NPIPB11: variants seen among roughly 807,000 people sequenced by gnomAD.
The protein encoded by NPIPB11 is nuclear pore complex interacting protein family member B11, also known as nuclear pore complex-interacting protein family member B11.
Under a neutral mutation model 32.8 loss-of-function variants are expected in NPIPB11, and 17 were observed. That is an observed-to-expected ratio of 0.52 (90% CI 0.35 to 0.78). The LOEUF is 0.78. Among genes scored for constraint, NPIPB11 ranks in the 30% least tolerant of loss-of-function variants. The probability of loss-of-function intolerance (pLI) is 0.01; values close to 1 mark genes in which losing one functional copy is unlikely to be tolerated. For synonymous variants in NPIPB11, 209 were observed against 398.4 expected (o/e 0.52, Z 5.66); for missense variants, 537 against 1,000.4 (o/e 0.54, Z 6.25).
At chr16:29,389,194 CAAAAAAA>C (rs1166217249) in intron 5 of NPIPB11, among the ~76,000 whole-genome samples, 1 of 50,336 alleles carries the variant, frequency 2.0e-5, no homozygotes, top group Admixed American at 2.2e-4. Context: ...GACTCTGTCT[CAAAAAAA>C]AAAAAAAAAA....
chr16:29,382,380 G>T lies in NPIPB11; in HGVS notation c.2552C>A (p.Ser851Ter), dbSNP rs17853581. The T allele has an allele frequency of 2.0e-6, 1 of 493,434 alleles. No individual in the cohort carries two copies. Among genetic ancestry groups the T allele is most frequent in the Non-Finnish European group, 3.4e-6 (1 of 290,416 alleles). 30.6% of individuals were successfully genotyped at this position (493,434 alleles called of 1,614,324 possible). Residue 851 changes from serine to a stop codon, truncating the protein, a stop_gained, in exon 8 of 8, where the codon TCA becomes TAA. Coordinates refer to ENST00000524087, the Ensembl canonical transcript of NPIPB11. LOFTEE classifies it high-confidence loss of function. ...TGAGCTGACGCTCGGAAGGTGTCTT[G>T]AGATTATCATCGGCTGAGGGTGGAA...
chr16:29,394,068 A>G (rs1963789706), exon 3 of NPIPB11: 2 of 1,597,420 alleles, frequency 1.3e-6, no homozygotes, highest in South Asian at 2.2e-5. Context: ...CAGCCAGAGT[A>G]TTGATAACCT....
At chr16:29,382,106 A>T in exon 8 of NPIPB11, 1 of 340,646 alleles carries the variant, frequency 2.9e-6, no homozygotes, top group Non-Finnish European at 4.6e-6. Flanking sequence ...GACGTTTGGA[A>T]GGTGTCTTGA....
intron 2 of NPIPB11, among the ~76,000 whole-genome samples, chr16:29,397,352 A>T (rs1026126914): frequency 5.9e-5 from 9 of 151,490 alleles, no homozygotes; most frequent in Admixed American, 5.9e-4. Context: ...GATAACAGGT[A>T]CGCACCACCA....
At chr16:29,382,982 G>A (rs1963524562) in exon 8 of NPIPB11, 36 of 1,596,670 alleles carry the variant, frequency 2.3e-5, no homozygotes, top group Non-Finnish European at 3.1e-5. Context: ...GGTGGAAGGG[G>A]AGTGAGCTGA....
chr16:29,398,833 G>T (rs1596682192), intron 2 of NPIPB11, among the ~76,000 whole-genome samples: 1 of 152,030 alleles, frequency 6.6e-6, no homozygotes, highest in Non-Finnish European at 1.5e-5. Flanking sequence ...GCACAAGGTT[G>T]TGTGATCTCA....
intron 2 of NPIPB11, among the ~76,000 whole-genome samples, chr16:29,396,030 T>A (rs1268941033): frequency 6.8e-6 from 1 of 147,878 alleles, no homozygotes; most frequent in Non-Finnish European, 1.5e-5. Flanking sequence ...GCATGAATAG[T>A]GTGGGATTTC....
chr16:29,404,688 C>T (rs1479601259), upstream of NPIPB11, among the ~76,000 whole-genome samples: 5 of 151,796 alleles, frequency 3.3e-5, no homozygotes, highest in South Asian at 2.1e-4. Context: ...CTTCTCAGTG[C>T]TCACCTAAGG....
At chr16:29,382,192 G>C (rs878907790) in exon 8 of NPIPB11, 1 of 628,052 alleles carries the variant, frequency 1.6e-6, no homozygotes, top group Non-Finnish European at 2.7e-6. Context: ...TCTGCTGAGG[G>C]TGGAGCTGAG....
In NPIPB11 at chr16:29,390,365, T is replaced by C. The variant is rs755850922; in HGVS notation, c.250-17A>G. On this transcript the variant is annotated splice_polypyrimidine_tract_variant and intron_variant, in intron 3 of 7. Coordinates refer to ENST00000524087, the Ensembl canonical transcript of NPIPB11. The stretch of plus-strand genomic sequence containing the variant: ...GAGAGACACCTAGGAAATAATAATA[T>C]AAGAATGACGGCTGGGCACGGTGGC... 9.8e-6 allele frequency: 14 copies of C among 1,423,414 alleles called. No individual in the cohort carries two copies. Among genetic ancestry groups the C allele is most frequent in the Non-Finnish European group, 1.4e-5 (14 of 1,024,796 alleles). The allele number at this position is 1,423,414 out of a possible 1,614,324, so 88.2% of individuals were successfully genotyped here.
At chr16:29,402,825 A>T (rs1964029383) in intron 2 of NPIPB11, among the ~76,000 whole-genome samples, 1 of 142,048 alleles carries the variant, frequency 7.0e-6, no homozygotes, top group Admixed American at 7.1e-5. Context: ...TTAAAAGACA[A>T]GATAATGTTC....
At chr16:29,395,049 A>G (rs1411068205) in intron 2 of NPIPB11, among the ~76,000 whole-genome samples, 1 of 137,990 alleles carries the variant, frequency 7.2e-6, no homozygotes, top group Non-Finnish European at 1.6e-5. Context: ...CCTGGCCAAA[A>G]TCTCCTAATG....
intron 3 of NPIPB11, among the ~76,000 whole-genome samples, chr16:29,392,349 C>T (rs964348995): frequency 9.2e-5 from 14 of 151,552 alleles, no homozygotes; most frequent in Admixed American, 2.6e-4. Flanking sequence ...ATGAGAGGTG[C>T]GAAGTTGTCC....
chr16:29,391,281 AAT>A (rs1314421726), intron 3 of NPIPB11, among the ~76,000 whole-genome samples: 1 of 148,084 alleles, frequency 6.8e-6, no homozygotes, highest in African/African-American at 2.5e-5. Flanking sequence ...AAAAAAAAAA[AAT>A]GACATGAATA....
At chr16:29,395,745 C>T (rs895946548) in intron 2 of NPIPB11, among the ~76,000 whole-genome samples, 15 of 150,606 alleles carry the variant, frequency 1.0e-4, no homozygotes, top group Non-Finnish European at 1.8e-4. Context: ...TTTGGGAAGC[C>T]GAGGTGGGTG....
In NPIPB11 at chr16:29,390,325, G is replaced by A. The variant is rs750257115; in HGVS notation, c.273C>T (p.Phe91=). 62 of 1,491,664 alleles carry A rather than the reference G, an allele frequency of 4.2e-5. 1 individual carries two copies. The highest frequency in any genetic ancestry group is 5.3e-5 in the Non-Finnish European group (58 of 1,085,958). The allele number at this position is 1,491,664 out of a possible 1,614,324, so 92.4% of individuals were successfully genotyped here. A position where few individuals can be genotyped will look rare whatever the true frequency, so the allele number is the denominator to read the frequency against. The change falls in exon 4 of 8, where the codon TTC becomes TTT. Residue 91 remains phenylalanine, a synonymous_variant. Coordinates refer to ENST00000524087, the Ensembl canonical transcript of NPIPB11. Reference sequence around the variant, plus strand: ...ATCCATCATGTCCATTTCGAGACCAGAAGATAGTCTTCAGGAGAGACACCT... The same window carrying A: ...ATCCATCATGTCCATTTCGAGACCAAAAGATAGTCTTCAGGAGAGACACCT...
chr16:29,399,922 C>T (rs192804460), intron 2 of NPIPB11, among the ~76,000 whole-genome samples: 1,794 of 151,542 alleles, frequency 0.012, 16 homozygotes, highest in Non-Finnish European at 0.02. Flanking sequence ...ACTAAAAATA[C>T]AAAAATTAGC....
intron 3 of NPIPB11, 72 bp downstream of exon 3, chr16:29,393,876 G>C (rs1207190436): frequency 1.5e-6 from 2 of 1,300,212 alleles, no homozygotes; most frequent in Non-Finnish European, 2.1e-6. Context: ...GTCCAGAAAT[G>C]TGAATTGTTT....
At chr16:29,400,262 CAG>C in intron 2 of NPIPB11, among the ~76,000 whole-genome samples, 1 of 149,710 alleles carries the variant, frequency 6.7e-6, no homozygotes, top group Non-Finnish European at 1.5e-5. Context: ...AAGATGTGAG[CAG>C]AGTTTGGGGT....
Sources: allele counts gnomAD v4.1 joint callset (sites outside exome capture counted in the v4.1 genomes callset), GRCh38; gene constraint gnomAD v4.1.1; transcripts MANE v1.5; gene names NCBI Gene and HGNC (gene_info 2026-07-23, HGNC 2026-07-21).